The following FHIT variants were observed in gnomAD, a reference collection of about 807,000 sequenced individuals.
FHIT encodes fragile histidine triad diadenosine triphosphatase, also known as bis(5'-adenosyl)-triphosphatase.
In FHIT, 19 loss-of-function variants were observed where a neutral mutation model predicts 17.9. The ratio of observed to expected loss-of-function variants is 1.06; its 90% CI spans 0.74 to 1.56. The LOEUF (loss-of-function observed/expected upper bound fraction) is 1.56. FHIT is among the 40% of genes most tolerant of loss of function. The pLI is 0.00. For missense variants in FHIT, 248 were observed against 189.2 expected (o/e 1.31, Z -1.82); for synonymous variants, 81 against 69.7 (o/e 1.16, Z -0.81).
At chr3:59,850,630 A>G (rs1488999970) in intron 8 of FHIT, among the ~76,000 whole-genome samples, 3 of 152,186 alleles carry the variant, frequency 2.0e-5, no homozygotes, top group African/African-American at 7.2e-5. Flanking sequence ...GACAGAATAC[A>G]TGGCCACCCC....
chr3:60,713,699 A>T (rs1553705835), intron 4 of FHIT, among the ~76,000 whole-genome samples: 2 of 152,248 alleles, frequency 1.3e-5, no homozygotes, highest in African/African-American at 4.8e-5. Context: ...AAATTCCTCG[A>T]CACATACACT....
At chr3:60,758,257 G>A (rs1699518310) in intron 4 of FHIT, among the ~76,000 whole-genome samples, 1 of 152,172 alleles carries the variant, frequency 6.6e-6, no homozygotes, top group Non-Finnish European at 1.5e-5. Context: ...CCCTTCAGGA[G>A]TTGAGTAGCA....
rs531015554 is a variant in FHIT at position 60,689,655 on chromosome 3, G to A, written c.-18+132264C>T. On this transcript the variant is annotated intron_variant, in intron 4 of 9. Coordinates refer to ENST00000492590, the MANE Select transcript of FHIT (RefSeq NM_002012.4). The stretch of plus-strand genomic sequence containing the variant: ...CTTTTGTTTCTAATAGTGGCACCTG[G>A]TATATCAAAAAGAATATTAATATTT... Among the ~76,000 whole-genome samples the A allele has an allele frequency of 3.9e-5, 6 of 152,020 alleles. No homozygotes were observed. In the South Asian group the frequency reaches 1.0e-3, roughly 26 times the overall value.
At chr3:60,780,611 C>T (rs1700352371) in intron 4 of FHIT, among the ~76,000 whole-genome samples, 5 of 152,144 alleles carry the variant, frequency 3.3e-5, no homozygotes, top group Admixed American at 3.3e-4. Context: ...TGACAATGGC[C>T]CTTTCTGCTG....
At chr3:61,176,402 T>C (rs780712764) in intron 2 of FHIT, among the ~76,000 whole-genome samples, 1 of 152,226 alleles carries the variant, frequency 6.6e-6, no homozygotes, top group Non-Finnish European at 1.5e-5. Context: ...ATTAAACACC[T>C]CAAGAAATAC....
intron 5 of FHIT, among the ~76,000 whole-genome samples, chr3:60,031,861 A>T (rs1476918446): frequency 6.6e-6 from 1 of 152,200 alleles, no homozygotes; most frequent in Non-Finnish European, 1.5e-5. Context: ...ATTTTTAACT[A>T]AAATTTTGTA....
At chr3:60,525,883 G>C (rs1363918679) in intron 5 of FHIT, among the ~76,000 whole-genome samples, 1 of 152,092 alleles carries the variant, frequency 6.6e-6, no homozygotes, top group African/African-American at 2.4e-5. Flanking sequence ...GAGGTAGATT[G>C]CTTGAGCTCA....
At chr3:61,227,747 T>C (rs1411781330) in intron 1 of FHIT, among the ~76,000 whole-genome samples, 2 of 152,170 alleles carry the variant, frequency 1.3e-5, no homozygotes, top group East Asian at 3.9e-4. Flanking sequence ...TTCCATGGGA[T>C]CAACAAATTG....
chr3:60,761,618 C>CTTTTT (rs71629113), intron 4 of FHIT, among the ~76,000 whole-genome samples: 1 of 128,710 alleles, frequency 7.8e-6, no homozygotes, highest in African/African-American at 2.8e-5. Flanking sequence ...TCTTCCATGT[C>CTTTTT]TTTTTTTTTT....
intron 2 of FHIT, among the ~76,000 whole-genome samples, chr3:61,140,865 G>A (rs2037061053): frequency 6.6e-6 from 1 of 152,152 alleles, no homozygotes; most frequent in Admixed American, 6.5e-5. Context: ...TAATTAGTAT[G>A]CTCTAATGAT....
At chr3:60,058,349 T>C in intron 5 of FHIT, among the ~76,000 whole-genome samples, 1 of 152,024 alleles carries the variant, frequency 6.6e-6, no homozygotes, top group Non-Finnish European at 1.5e-5. Flanking sequence ...CAGGATGGTC[T>C]GGATCTCTTG....
In FHIT at chr3:61,060,045, C is replaced by T. The variant is rs78757975; in HGVS notation, c.-163-17946G>A. Among the ~76,000 whole-genome samples the T allele has an allele frequency of 6.5e-4, 99 of 152,126 alleles. 1 individual carries two copies. The highest frequency in any genetic ancestry group is 2.3e-3 in the African/African-American group (95 of 41,502). ...GTCCTGCAATGGGATGATGTCCTGT[C>T]CAGGGTGAGTTCCCACCTTGCACCC... On this transcript the variant is annotated intron_variant, in intron 2 of 9. Transcript: ENST00000492590.
intron 2 of FHIT, among the ~76,000 whole-genome samples, chr3:61,067,034 T>C (rs2034635802): frequency 1.3e-5 from 2 of 152,212 alleles, no homozygotes; most frequent in Admixed American, 6.5e-5. Context: ...AAGCCTTCTT[T>C]TGGTTTTGAG....
At chr3:60,962,909 G>C (rs1316395777) in intron 3 of FHIT, among the ~76,000 whole-genome samples, 1 of 152,154 alleles carries the variant, frequency 6.6e-6, no homozygotes, top group Non-Finnish European at 1.5e-5. Context: ...TTGTCTCACT[G>C]CCAGGCTTTG....
At chr3:60,993,831 T>C (rs2030452131) in intron 3 of FHIT, among the ~76,000 whole-genome samples, 1 of 152,198 alleles carries the variant, frequency 6.6e-6, no homozygotes, top group Admixed American at 6.5e-5. Context: ...AGTTATGCCT[T>C]GGCTATAACA....
intron 4 of FHIT, among the ~76,000 whole-genome samples, chr3:60,789,173 TATAGAGAGAGAG>T (rs1449421671): frequency 1.0e-5 from 1 of 98,716 alleles, no homozygotes; most frequent in African/African-American, 3.8e-5. Context: ...TATATATATA[TATAGAGAGAGAG>T]AGAGAGAGAG....
intron 8 of FHIT, among the ~76,000 whole-genome samples, chr3:59,872,913 A>G (rs1702987937): frequency 6.6e-6 from 1 of 152,140 alleles, no homozygotes; most frequent in Admixed American, 6.5e-5. Flanking sequence ...TGACATATCA[A>G]TTTTCCCATG....
At chr3:60,807,885 G>C (rs1701452179) in intron 4 of FHIT, among the ~76,000 whole-genome samples, 1 of 152,006 alleles carries the variant, frequency 6.6e-6, no homozygotes. Context: ...CTAAGATAAA[G>C]AAAGGGGAGG....
intron 4 of FHIT, among the ~76,000 whole-genome samples, chr3:60,780,976 A>G (rs1700366628): frequency 6.6e-6 from 1 of 151,890 alleles, no homozygotes; most frequent in African/African-American, 2.4e-5. Context: ...ACCCAATAAA[A>G]CCTTGCTCAC....
Sources: gnomAD v4.1 joint callset for allele counts (sites outside exome capture counted in the v4.1 genomes callset) on GRCh38, gnomAD v4.1.1 for gene constraint, MANE v1.5 for transcripts, NCBI Gene and HGNC (gene_info 2026-07-23, HGNC 2026-07-21) for gene names.